EIF2B3: variants seen among roughly 807,000 people sequenced by gnomAD.
The protein encoded by EIF2B3 is eukaryotic translation initiation factor 2B subunit gamma, also known as translation initiation factor eIF2B subunit gamma.
Under a neutral mutation model 54.1 loss-of-function variants are expected in EIF2B3, and 20 were observed. That is an observed-to-expected ratio of 0.37 (90% CI 0.26 to 0.54). The LOEUF (loss-of-function observed/expected upper bound fraction) is 0.54, where lower values mean the gene tolerates loss of function less well. Ranked by LOEUF, EIF2B3 falls within the 20% of genes least tolerant of loss-of-function variation. The probability of loss-of-function intolerance (pLI) is 0.86; values close to 1 mark genes in which losing one functional copy is unlikely to be tolerated. For missense variants in EIF2B3, 448 were observed against 547.8 expected (o/e 0.82, Z 1.82); for synonymous variants, 153 against 188.1 (o/e 0.81, Z 1.52).
In EIF2B3 at chr1:44,881,513, C is replaced by T. The variant is rs1287725473; in HGVS notation, c.784+99G>A. The T allele has an allele frequency of 1.3e-6, 2 of 1,508,062 alleles. No individual in the cohort carries two copies. The highest frequency in any genetic ancestry group is 4.6e-5 in the East Asian group (2 of 43,538). The allele number at this position is 1,508,062 out of a possible 1,614,324, so 93.4% of individuals were successfully genotyped here. ...TCGTAGGCTAGAAATAGTCTGCTGCCTTGAGTCAGGCATCTTGGGCTGGGC... is the reference window on the plus strand; with the variant it reads ...TCGTAGGCTAGAAATAGTCTGCTGCTTTGAGTCAGGCATCTTGGGCTGGGC... On this transcript the variant is annotated intron_variant, in intron 7 of 11. Coordinates refer to ENST00000360403, the MANE Select transcript of EIF2B3 (RefSeq NM_020365.5). This position sits in a 1 kb window ranked among gnomAD's most constrained non-coding sequence, Gnocchi z 4.0.
At chr1:44,976,502 A>G (rs1003483878) in intron 3 of EIF2B3, among the ~76,000 whole-genome samples, 1 of 152,258 alleles carries the variant, frequency 6.6e-6, no homozygotes, top group Non-Finnish European at 1.5e-5. Flanking sequence ...ACTGTTGATG[A>G]AAGTATAAAA....
At chr1:44,917,518 AT>A (rs991635498) in intron 5 of EIF2B3, among the ~76,000 whole-genome samples, 3 of 151,752 alleles carry the variant, frequency 2.0e-5, no homozygotes, top group East Asian at 3.9e-4. Flanking sequence ...AGAAAAAAAA[AT>A]CTTCAGATTT....
At chr1:44,882,188 C>T (rs576811237) in intron 6 of EIF2B3, among the ~76,000 whole-genome samples, 5 of 152,286 alleles carry the variant, frequency 3.3e-5, no homozygotes, top group South Asian at 2.1e-4. Flanking sequence ...TTTCTGACTT[C>T]AAGGAATTCA....
Position 44,924,305 on chromosome 1 carries a change from CTT to C in EIF2B3, c.566+2321_566+2322del, listed in dbSNP as rs1005417243. Among the ~76,000 whole-genome samples the C allele has an allele frequency of 1.7e-3, 264 of 152,232 alleles. 1 individual carries two copies. The highest frequency in any genetic ancestry group is 6.2e-3 in the African/African-American group (258 of 41,536). On this transcript the variant is annotated intron_variant, in intron 5 of 11. Transcript: ENST00000360403. ...ATCACTGATATCTCAGACCATTCCT[CTT>C]TGTCAATAATTTGATTTTCAGTGGT...
intron 6 of EIF2B3, among the ~76,000 whole-genome samples, chr1:44,886,893 A>G (rs969641415): frequency 1.3e-5 from 2 of 151,430 alleles, no homozygotes; most frequent in African/African-American, 4.9e-5. Flanking sequence ...TAATTGTTCA[A>G]TTAAACTCCT....
At chr1:44,948,294 T>C (rs566784479) in intron 3 of EIF2B3, among the ~76,000 whole-genome samples, 6 of 152,274 alleles carry the variant, frequency 3.9e-5, no homozygotes, top group African/African-American at 1.4e-4. Flanking sequence ...ATGCCAGAAA[T>C]CCGCCCATAG....
At chr1:44,866,762 C>T (rs1297098624) in intron 10 of EIF2B3, among the ~76,000 whole-genome samples, 2 of 152,196 alleles carry the variant, frequency 1.3e-5, no homozygotes, top group African/African-American at 4.8e-5. Context: ...ACCATGTTGG[C>T]CAGGATGGTC....
At chr1:44,939,243 T>A (rs537641007) in intron 4 of EIF2B3, among the ~76,000 whole-genome samples, 1 of 152,288 alleles carries the variant, frequency 6.6e-6, no homozygotes, top group South Asian at 2.1e-4. Flanking sequence ...CTCTTTCGTC[T>A]GATATCTGGC....
intron 8 of EIF2B3, among the ~76,000 whole-genome samples, chr1:44,878,488 C>T (rs1179920443): frequency 6.6e-6 from 1 of 152,106 alleles, no homozygotes; most frequent in African/African-American, 2.4e-5. Context: ...GTCTCGAACT[C>T]CTGACCTCAG....
chr1:44,898,380 A>C (rs1656049863), intron 5 of EIF2B3, among the ~76,000 whole-genome samples: 1 of 152,204 alleles, frequency 6.6e-6, no homozygotes, highest in Admixed American at 6.5e-5. Context: ...CACTAGACTG[A>C]AATTCAGTAG....
intron 4 of EIF2B3, among the ~76,000 whole-genome samples, chr1:44,932,143 C>T (rs7553770): frequency 1.3e-5 from 2 of 151,512 alleles, no homozygotes; most frequent in Admixed American, 6.6e-5. Context: ...ACACACACCC[C>T]TATAGTAATA....
chr1:44,877,200 A>C (rs1188974933), intron 8 of EIF2B3, among the ~76,000 whole-genome samples: 3 of 144,436 alleles, frequency 2.1e-5, no homozygotes, highest in Admixed American at 1.4e-4. Flanking sequence ...AATAAAAAAA[A>C]AAAAAAAAAA....
At chr1:44,947,425 G>A (rs557563134) in intron 3 of EIF2B3, among the ~76,000 whole-genome samples, 5 of 152,204 alleles carry the variant, frequency 3.3e-5, no homozygotes, top group Admixed American at 6.5e-5. Flanking sequence ...GAACATTTTC[G>A]ATCAAGCCAA....
intron 5 of EIF2B3, among the ~76,000 whole-genome samples, chr1:44,919,697 T>C (rs1350436433): frequency 6.6e-6 from 1 of 151,074 alleles, no homozygotes; most frequent in Non-Finnish European, 1.5e-5. Context: ...GGGATTCATT[T>C]CATCTTAATT....
At chr1:44,891,875 C>T (rs1405337225) in intron 6 of EIF2B3, among the ~76,000 whole-genome samples, 1 of 152,194 alleles carries the variant, frequency 6.6e-6, no homozygotes, top group African/African-American at 2.4e-5. Flanking sequence ...TATAGCAATG[C>T]TTATGATAGG....
chr1:44,972,617 A>T (rs1288184201), intron 3 of EIF2B3: 1 of 91,424 alleles, frequency 1.1e-5, no homozygotes, highest in African/African-American at 5.8e-5. Context: ...AATAATAATA[A>T]ATAAATACAC....
chr1:44,879,557 C>T (rs974004091), intron 8 of EIF2B3, among the ~76,000 whole-genome samples: 4 of 152,184 alleles, frequency 2.6e-5, no homozygotes, highest in Admixed American at 2.0e-4. Flanking sequence ...CCTGCTGACC[C>T]AAAGGCCAGA....
chr1:44,932,492 TAGG>T (rs1168745654), intron 4 of EIF2B3: 1 of 152,156 alleles, frequency 6.6e-6, no homozygotes, highest in Admixed American at 6.5e-5. Context: ...AAATTTCACT[TAGG>T]AGGAATAAGC....
intron 3 of EIF2B3, among the ~76,000 whole-genome samples, chr1:44,942,399 ATATATATATATATATATATTTTTTTT>A (rs1557696916): frequency 6.3e-5 from 1 of 15,942 alleles, no homozygotes; most frequent in South Asian, 2.0e-3. Context: ...ATATATATAT[ATATATATATATATATATATTTTTTTT>A]TTTTTTTTTT....
Sources: allele counts gnomAD v4.1 joint callset (sites outside exome capture counted in the v4.1 genomes callset), GRCh38; gene constraint gnomAD v4.1.1; non-coding constraint Gnocchi (gnomAD v3.1); transcripts MANE v1.5; gene names NCBI Gene and HGNC (gene_info 2026-07-23, HGNC 2026-07-21).